STX1A: variants seen among roughly 807,000 people sequenced by gnomAD.
STX1A encodes syntaxin-1A.
STX1A carries 4 observed loss-of-function variants against 37.8 expected under a neutral mutation model. The ratio of observed to expected loss-of-function variants is 0.11; its 90% CI spans 0.05 to 0.24. STX1A has a LOEUF of 0.24. STX1A is among the 10% of genes least tolerant of loss of function. STX1A has a pLI of 1.00. For synonymous variants in STX1A, 135 were observed against 147.4 expected, an observed-to-expected ratio of 0.92 and a Z score of 0.61; for missense variants, 251 against 399.9, an observed-to-expected ratio of 0.63 and a Z score of 3.18.
At position 73,701,049 on chromosome 7, in the gene STX1A, G is replaced by A. The variant is rs781868148; in HGVS notation, c.679-209C>T. The A allele has an allele frequency of 3.8e-5, 35 of 917,794 alleles. 1 individual carries two copies. The highest frequency in any genetic ancestry group is 1.0e-4 in the African/African-American group (6 of 59,866). The allele number at this position is 917,794 out of a possible 1,614,324, so 56.9% of individuals were successfully genotyped here. ...CCCAAGGCAGCTCCCACATTTCCCCGCAGAGCAGCAATCCTGGGGGTGGAG... is the reference window on the plus strand; with the variant it reads ...CCCAAGGCAGCTCCCACATTTCCCCACAGAGCAGCAATCCTGGGGGTGGAG... On this transcript the variant is annotated intron_variant, in intron 8 of 9. Transcript: ENST00000222812.
In STX1A at chr7:73,700,285, G is replaced by T; in HGVS notation, c.*122C>A. 1 of 883,364 alleles carries T rather than the reference G, an allele frequency of 1.1e-6. No individual in the cohort carries two copies. The highest frequency in any genetic ancestry group is 1.8e-6 in the Non-Finnish European group (1 of 549,000). 54.7% of individuals were successfully genotyped at this position (883,364 alleles called of 1,614,324 possible). On this transcript the variant is annotated 3_prime_UTR_variant, in exon 10 of 10. Coordinates refer to ENST00000222812, the MANE Select transcript of STX1A (RefSeq NM_004603.4). This position sits in a 1 kb window ranked among gnomAD's most constrained non-coding sequence, Gnocchi z 4.4. ...CCCATGGCAGAGAAGGGAGCATGGGGGCCGGGAGGGAGGGTGCTCTGAGCC... is the reference window on the plus strand; with the variant it reads ...CCCATGGCAGAGAAGGGAGCATGGGTGCCGGGAGGGAGGGTGCTCTGAGCC...
chr7:73,712,359 C>G (rs1204190295), intron 1 of STX1A, among the ~76,000 whole-genome samples: 1 of 150,112 alleles, frequency 6.7e-6, no homozygotes, highest in Non-Finnish European at 1.5e-5. Context: ...GCCCTACAAT[C>G]CACCCTCTGC....
At chr7:73,718,488 T>C (rs377592414) in intron 1 of STX1A, among the ~76,000 whole-genome samples, 11 of 152,086 alleles carry the variant, frequency 7.2e-5, no homozygotes, top group African/African-American at 2.7e-4. Flanking sequence ...CTTAGGGTTC[T>C]AGTTCCTAGC....
At chr7:73,713,243 C>T (rs1799167840) in intron 1 of STX1A, among the ~76,000 whole-genome samples, 1 of 152,204 alleles carries the variant, frequency 6.6e-6, no homozygotes, top group African/African-American at 2.4e-5. Context: ...TCCAGATTCA[C>T]TCAGATAAGG....
chr7:73,704,817 TGTC>T (rs1554616591), intron 4 of STX1A: 1 of 513,734 alleles, frequency 1.9e-6, no homozygotes, highest in Non-Finnish European at 3.5e-6. Flanking sequence ...GGGGTGCACG[TGTC>T]TGTTCACCCA....
chr7:73,705,290 C>G lies in STX1A; in HGVS notation c.209-66G>C. On this transcript the variant is annotated intron_variant, in intron 3 of 9. Transcript: ENST00000222812. This position sits in a 1 kb window ranked among gnomAD's most constrained non-coding sequence, Gnocchi z 5.2. ...CGCGGGGACTGATGTGCAGGCTCAG[C>G]CTCCAGCCCAGGGGGCCCAGTGGGA... 1 of 1,387,952 alleles carries G rather than the reference C, an allele frequency of 7.2e-7. No individual in the cohort carries two copies. Among genetic ancestry groups the G allele is most frequent in the Non-Finnish European group, 1.0e-6 (1 of 977,396 alleles). The allele number at this position is 1,387,952 out of a possible 1,614,324, so 86.0% of individuals were successfully genotyped here. A position where few individuals can be genotyped will look rare whatever the true frequency, so the allele number is the denominator to read the frequency against.
Position 73,705,535 on chromosome 7 carries a change from C to CGATGCTGG in STX1A, c.209-319_209-312dup. The CGATGCTGG allele has an allele frequency of 3.1e-6, 1 of 326,040 alleles. No homozygotes were observed. The highest frequency in any genetic ancestry group is 3.7e-5 in the South Asian group (1 of 26,700). The allele number at this position is 326,040 out of a possible 1,614,324, so 20.2% of individuals were successfully genotyped here. A position where few individuals can be genotyped will look rare whatever the true frequency, so the allele number is the denominator to read the frequency against. On this transcript the variant is annotated intron_variant, in intron 3 of 9. Transcript: ENST00000222812. This position sits in a 1 kb window ranked among gnomAD's most constrained non-coding sequence, Gnocchi z 5.2. ...GCAGAAGTAATTGTGGAGCAGCTGG[C>CGATGCTGG]GATGCTGGAGTTGGCGCCGGGAACA...
chr7:73,708,118 G>T (rs1798943494), intron 3 of STX1A, among the ~76,000 whole-genome samples: 1 of 151,350 alleles, frequency 6.6e-6, no homozygotes, highest in African/African-American at 2.4e-5. Context: ...CAAAAAATTA[G>T]CCGGGCATGG....
chr7:73,704,776 G>A, intron 4 of STX1A: 1 of 509,172 alleles, frequency 2.0e-6, no homozygotes, highest in Non-Finnish European at 3.6e-6. Context: ...CCCTCCTGCA[G>A]GGCATGTGGC....
chr7:73,702,257 C>T lies in STX1A; in HGVS notation c.678+588G>A, dbSNP rs773310460. On this transcript the variant is annotated intron_variant, in intron 8 of 9. Coordinates refer to ENST00000222812, the MANE Select transcript of STX1A (RefSeq NM_004603.4). This position sits in a 1 kb window ranked among gnomAD's most constrained non-coding sequence, Gnocchi z 4.7. The stretch of plus-strand genomic sequence containing the variant: ...GACCACTCACTCCAACAAAGGCAGC[C>T]GCCCCATCGTGGTCACGGTGTTACT... Among the ~76,000 whole-genome samples the T allele has an allele frequency of 2.7e-4, 41 of 152,278 alleles. No homozygotes were observed. Among genetic ancestry groups the T allele is most frequent in the Non-Finnish European group, 5.0e-4 (34 of 68,018 alleles).
At chr7:73,701,373 T>C (rs2116726212) in intron 8 of STX1A, among the ~76,000 whole-genome samples, 1 of 151,990 alleles carries the variant, frequency 6.6e-6, no homozygotes, top group South Asian at 2.1e-4. Context: ...AATACAAAAA[T>C]TAGCTGGGCG....
chr7:73,711,856 C>T (rs1799115012), intron 1 of STX1A, among the ~76,000 whole-genome samples: 1 of 152,126 alleles, frequency 6.6e-6, no homozygotes, highest in African/African-American at 2.4e-5. Context: ...ACCCCTGGCA[C>T]CTGTCTGGTG....
intron 1 of STX1A, among the ~76,000 whole-genome samples, chr7:73,714,900 G>C (rs957594537): frequency 6.6e-6 from 1 of 151,916 alleles, no homozygotes; most frequent in Non-Finnish European, 1.5e-5. Flanking sequence ...CAAGGTGGGT[G>C]GATCACCTGA....
At chr7:73,715,867 T>A (rs1244622725) in intron 1 of STX1A, among the ~76,000 whole-genome samples, 3 of 152,048 alleles carry the variant, frequency 2.0e-5, no homozygotes, top group Non-Finnish European at 4.4e-5. Context: ...CCAAGCTGGG[T>A]CTCCAGGAAA....
At position 73,703,215 on chromosome 7, in the gene STX1A, C is replaced by T. The variant is rs1182522571; in HGVS notation, c.541-233G>A. Among the ~76,000 whole-genome samples, 5 of 152,216 alleles carry T rather than the reference C, an allele frequency of 3.3e-5. No homozygotes were observed. The East Asian group carries it at 7.7e-4, about 23-fold the overall frequency. On this transcript the variant is annotated intron_variant, in intron 7 of 9. Transcript: ENST00000222812. ...AACGTGGGGCTAGTGACACTTTCCA[C>T]CTGTGCTGGCCACAGAGCGAGTGCT...
Position 73,702,586 on chromosome 7 carries a change from AGGGGAATGAGAGACGGCG to A in STX1A, c.678+241_678+258del. On this transcript the variant is annotated intron_variant, in intron 8 of 9. Coordinates refer to ENST00000222812, the MANE Select transcript of STX1A (RefSeq NM_004603.4). The surrounding 1 kb of genome is among the most constrained non-coding windows in gnomAD (Gnocchi z 4.7). ...AGTGGCCCCATGAGGAAACAGTAGT[AGGGGAATGAGAGACGGCG>A]GGGTATAGAGGGTGGGGCCATGCAG... 2 of 1,082,958 alleles carry A rather than the reference AGGGGAATGAGAGACGGCG, an allele frequency of 1.8e-6. No individual in the cohort carries two copies. Among genetic ancestry groups the A allele is most frequent in the Non-Finnish European group, 2.6e-6 (2 of 784,080 alleles). 67.1% of individuals were successfully genotyped at this position (1,082,958 alleles called of 1,614,324 possible). A position where few individuals can be genotyped will look rare whatever the true frequency, so the allele number is the denominator to read the frequency against.
chr7:73,710,924 C>T (rs187258220), intron 1 of STX1A, among the ~76,000 whole-genome samples: 54 of 152,246 alleles, frequency 3.5e-4, no homozygotes, highest in African/African-American at 1.2e-3. Context: ...TGACACCTGG[C>T]TGCATGGAGG....
chr7:73,710,677 G>A (rs558761544), intron 1 of STX1A, among the ~76,000 whole-genome samples: 7 of 152,288 alleles, frequency 4.6e-5, no homozygotes, highest in African/African-American at 7.2e-5. Flanking sequence ...CACCCGCCTC[G>A]GCCTCCCAAA....
At chr7:73,715,204 A>ACGAGGTCAAGAGAT (rs1488139931) in intron 1 of STX1A, among the ~76,000 whole-genome samples, 1 of 151,918 alleles carries the variant, frequency 6.6e-6, no homozygotes, top group Non-Finnish European at 1.5e-5. Context: ...CGGGCAGATC[A>ACGAGGTCAAGAGAT]CGAGGTCAAG....
Sources: allele counts gnomAD v4.1 joint callset (sites outside exome capture counted in the v4.1 genomes callset), GRCh38; gene constraint gnomAD v4.1.1; non-coding constraint Gnocchi (gnomAD v3.1); transcripts MANE v1.5; gene names NCBI Gene and HGNC (gene_info 2026-07-23, HGNC 2026-07-21).